The following NRXN2 variants were observed in gnomAD, a reference collection of about 807,000 sequenced individuals.
NRXN2 encodes the protein neurexin 2, also known as neurexin-2-beta.
NRXN2 carries 29 observed loss-of-function variants against 128.8 expected under a neutral mutation model. The observed-to-expected ratio is 0.23, with a 90% CI of 0.17 to 0.31. NRXN2 has a LOEUF of 0.31. NRXN2 is among the 10% of genes least tolerant of loss of function. The probability of loss-of-function intolerance (pLI) is 1.00; values close to 1 mark genes in which losing one functional copy is unlikely to be tolerated. For missense variants in NRXN2, 1,881 were observed against 2,452.6 expected, an observed-to-expected ratio of 0.77 and a Z score of 4.92; for synonymous variants, 1,098 against 1,075.2, an observed-to-expected ratio of 1.02 and a Z score of -0.41.
chr11:64,654,061 G>A (rs1039018408), intron 11 of NRXN2, among the ~76,000 whole-genome samples: 11 of 152,314 alleles, frequency 7.2e-5, no homozygotes, highest in Non-Finnish European at 1.3e-4. Flanking sequence ...GGGGATCAAT[G>A]GGGGCCGAGG....
At chr11:64,688,664 C>T in intron 5 of NRXN2, 1 of 985,388 alleles carries the variant, frequency 1.0e-6, no homozygotes, top group Non-Finnish European at 1.2e-6. Flanking sequence ...TTGCTCCGGA[C>T]CGAGAAAGGA....
chr11:64,653,751 G>A (rs1428558246), intron 11 of NRXN2, 29 bp from the exon 12 acceptor site: 3 of 1,527,228 alleles, frequency 2.0e-6, no homozygotes, highest in East Asian at 2.3e-5. Flanking sequence ...GGGCAGAGGG[G>A]AAGGGGAGAC....
At position 64,697,861 on chromosome 11, in the gene NRXN2, T is replaced by C. The variant is rs2135606385; in HGVS notation, c.731-69A>G. The stretch of plus-strand genomic sequence containing the variant: ...GAAAAAGGAGGGCTGTTAGCAAAGG[T>C]ACCACGGACAGGGGCTCCAAGGGGA... On this transcript the variant is annotated intron_variant, in intron 2 of 22. Transcript: ENST00000265459. 1.9e-6 allele frequency: 3 copies of C among 1,585,112 alleles called. No individual in the cohort carries two copies. In the East Asian group the frequency reaches 6.7e-5, roughly 36 times the overall value.
At position 64,713,801 on chromosome 11, in the gene NRXN2, CG is replaced by C. The variant is rs1288814837; in HGVS notation, c.-103del. The C allele has an allele frequency of 1.3e-4, 84 of 664,036 alleles. No homozygotes were observed. The highest frequency in any genetic ancestry group is 1.5e-4 in the Non-Finnish European group (81 of 532,606). The allele number at this position is 664,036 out of a possible 1,614,324, so 41.1% of individuals were successfully genotyped here. A position where few individuals can be genotyped will look rare whatever the true frequency, so the allele number is the denominator to read the frequency against. On this transcript the variant is annotated 5_prime_UTR_variant, in exon 2 of 23. Transcript: ENST00000265459. ...GGGGCCGGGCGCTCCCCGCGCTGAG[CG>C]GGGCTCCCTTGCAGGCTCACAGTGC...
chr11:64,611,454 C>T lies in NRXN2; in HGVS notation c.4253-3372G>A, dbSNP rs1031393476. Among the ~76,000 whole-genome samples the T allele has an allele frequency of 2.8e-4, 42 of 152,222 alleles. 1 individual carries two copies. The highest frequency in any genetic ancestry group is 9.7e-4 in the African/African-American group (40 of 41,446). Reference sequence around the variant, plus strand: ...TCATAGCTGGGGCCCCAGCAAAGTGCCAGGCCCAGGGCACAGGACCAGACC... The same window carrying T: ...TCATAGCTGGGGCCCCAGCAAAGTGTCAGGCCCAGGGCACAGGACCAGACC... On this transcript the variant is annotated intron_variant, in intron 22 of 22. Coordinates refer to ENST00000265459, the MANE Select transcript of NRXN2 (RefSeq NM_015080.4).
chr11:64,677,057 G>C lies in NRXN2; in HGVS notation c.1153-20C>G. The C allele has an allele frequency of 6.9e-7, 1 of 1,452,650 alleles. No homozygotes were observed. Among genetic ancestry groups the C allele is most frequent in the Non-Finnish European group, 9.3e-7 (1 of 1,078,204 alleles). 90.0% of individuals were successfully genotyped at this position (1,452,650 alleles called of 1,614,324 possible). ...TGCGTGCTTCACCGGAGATATGGGG[G>C]GATGGGGAGGAGGGGGGTGTCAAAA... is the stretch of plus-strand genomic sequence containing the variant. On this transcript the variant is annotated intron_variant, in intron 6 of 22. Transcript: ENST00000265459.
In NRXN2 at chr11:64,685,194, G is replaced by T. The variant is rs2052843853; in HGVS notation, c.1152+452C>A. 2.6e-5 allele frequency among the ~76,000 whole-genome samples: 4 copies of T among 152,046 alleles called. No homozygotes were observed. In the South Asian group the frequency reaches 8.3e-4, roughly 32 times the overall value. Reference sequence around the variant, plus strand: ...CTTCGTGCCTTGCTGCCCTAGTGTTGGGACACCCTCATCTGCTCCACCAGG... The same window carrying T: ...CTTCGTGCCTTGCTGCCCTAGTGTTTGGACACCCTCATCTGCTCCACCAGG... On this transcript the variant is annotated intron_variant, in intron 6 of 22. Coordinates refer to ENST00000265459, the MANE Select transcript of NRXN2 (RefSeq NM_015080.4).
At chr11:64,665,247 C>T (rs1429281492) in intron 9 of NRXN2, among the ~76,000 whole-genome samples, 1 of 151,514 alleles carries the variant, frequency 6.6e-6, no homozygotes, top group Non-Finnish European at 1.5e-5. Flanking sequence ...CGCCACTGCA[C>T]TCCAGCCTGG....
chr11:64,660,203 C>A lies in NRXN2; in HGVS notation c.2389+129G>T. The A allele has an allele frequency of 9.5e-7, 1 of 1,053,174 alleles. No individual in the cohort carries two copies. Among genetic ancestry groups the A allele is most frequent in the Non-Finnish European group, 1.5e-6 (1 of 686,274 alleles). 65.2% of individuals were successfully genotyped at this position (1,053,174 alleles called of 1,614,324 possible). A position where few individuals can be genotyped will look rare whatever the true frequency, so the allele number is the denominator to read the frequency against. On this transcript the variant is annotated intron_variant, in intron 11 of 22. Transcript: ENST00000265459. This position sits in a 1 kb window ranked among gnomAD's most constrained non-coding sequence, Gnocchi z 5.2. Reference sequence around the variant, plus strand: ...CAGGGTCTCTGACCCAGGCTGGCGCCTCCCCACCTCCAAACTCTGCTGAGG... The same window carrying A: ...CAGGGTCTCTGACCCAGGCTGGCGCATCCCCACCTCCAAACTCTGCTGAGG...
At position 64,713,542 on chromosome 11, in the gene NRXN2, AGCTCGCCGCT is replaced by A. The variant is rs2057156813; in HGVS notation, c.148_157del (p.Gly51AlafsTer64). 2 of 1,460,328 alleles carry A rather than the reference AGCTCGCCGCT, an allele frequency of 1.4e-6. No individual in the cohort carries two copies. Among genetic ancestry groups the A allele is most frequent in the Non-Finnish European group, 1.8e-6 (2 of 1,108,392 alleles). 90.5% of individuals were successfully genotyped at this position (1,460,328 alleles called of 1,614,324 possible). A position where few individuals can be genotyped will look rare whatever the true frequency, so the allele number is the denominator to read the frequency against. ...GGCGTTGGTGCGCAGGCTGAAGCTGAGCTCGCCGCTGCTCGCCGCGCCCGCCCAGCGCGCG... is the reference window on the plus strand; with the variant it reads ...GGCGTTGGTGCGCAGGCTGAAGCTGAGCTCGCCGCGCCCGCCCAGCGCGCG... On this transcript the variant is annotated frameshift_variant, in exon 2 of 23. Coordinates refer to ENST00000265459, the MANE Select transcript of NRXN2 (RefSeq NM_015080.4). LOFTEE classifies it high-confidence loss of function.
intron 19 of NRXN2, among the ~76,000 whole-genome samples, chr11:64,629,864 G>T (rs2043616191): frequency 6.6e-6 from 1 of 152,030 alleles, no homozygotes; most frequent in South Asian, 2.1e-4. Context: ...GAGTCTCCGT[G>T]GCTACTCCTC....
intron 9 of NRXN2, among the ~76,000 whole-genome samples, chr11:64,664,246 G>A (rs1045459968): frequency 3.9e-5 from 6 of 151,992 alleles, no homozygotes; most frequent in Admixed American, 2.0e-4. Context: ...GGAGGCCAAG[G>A]CAAATGGATC....
Position 64,630,685 on chromosome 11 carries a change from T to TC in NRXN2, c.3586-113dup, listed in dbSNP as rs1355504244. 7.9e-7 allele frequency: 1 copy of TC among 1,263,370 alleles called. No individual in the cohort carries two copies. The highest frequency in any genetic ancestry group is 1.1e-6 in the Non-Finnish European group (1 of 890,044). The allele number at this position is 1,263,370 out of a possible 1,614,324, so 78.3% of individuals were successfully genotyped here. A position where few individuals can be genotyped will look rare whatever the true frequency, so the allele number is the denominator to read the frequency against. Reference sequence around the variant, plus strand: ...AGCTCCGCAGCACTTAAGGCACCTTTCCCAGGTCTCAACCGCTGGAGGAGG... The same window carrying TC: ...AGCTCCGCAGCACTTAAGGCACCTTTCCCCAGGTCTCAACCGCTGGAGGAGG... On this transcript the variant is annotated intron_variant, in intron 18 of 22. Coordinates refer to ENST00000265459, the MANE Select transcript of NRXN2 (RefSeq NM_015080.4). This position sits in a 1 kb window ranked among gnomAD's most constrained non-coding sequence, Gnocchi z 4.6.
chr11:64,642,138 T>TGGAGAGATGATAAGGG (rs1299166904), intron 17 of NRXN2, among the ~76,000 whole-genome samples: 3 of 149,184 alleles, frequency 2.0e-5, no homozygotes. Flanking sequence ...GCAAGACAGA[T>TGGAGAGATGATAAGGG]GGAGAGATGA....
At chr11:64,627,920 C>T (rs2043306916) in intron 19 of NRXN2, among the ~76,000 whole-genome samples, 1 of 152,186 alleles carries the variant, frequency 6.6e-6, no homozygotes, top group African/African-American at 2.4e-5. Flanking sequence ...TGCCTATGTA[C>T]ACCTCCCATG....
chr11:64,641,965 G>T (rs2045741949), intron 17 of NRXN2, among the ~76,000 whole-genome samples: 1 of 152,036 alleles, frequency 6.6e-6, no homozygotes, highest in Non-Finnish European at 1.5e-5. Flanking sequence ...AGAAAGGAAG[G>T]TTGCTAGAGG....
At chr11:64,626,629 C>T in intron 19 of NRXN2, 77 bp from the exon 20 acceptor site, 1 of 1,001,678 alleles carries the variant, frequency 1.0e-6, no homozygotes, top group Non-Finnish European at 1.6e-6. Context: ...TTATGCAATC[C>T]TCAGGAGACT....
intron 2 of NRXN2, among the ~76,000 whole-genome samples, chr11:64,703,880 A>G (rs1055191648): frequency 2.6e-5 from 4 of 152,052 alleles, no homozygotes; most frequent in East Asian, 3.8e-4. Context: ...TATTACTTCC[A>G]TCTTACAGAG....
chr11:64,648,184 T>TC lies in NRXN2; in HGVS notation c.3403+34dup. 6.2e-7 allele frequency: 1 copy of TC among 1,613,906 alleles called. No homozygotes were observed. On this transcript the variant is annotated intron_variant, in intron 17 of 22. Transcript: ENST00000265459. This position sits in a 1 kb window ranked among gnomAD's most constrained non-coding sequence, Gnocchi z 4.1. ...CTATGGCTGGGAATGGACCCTGGTC[T>TC]CCCCAAACTGCCCCCAGCCCTCCCA...
Sources: allele counts gnomAD v4.1 joint callset (sites outside exome capture counted in the v4.1 genomes callset), GRCh38; gene constraint gnomAD v4.1.1; non-coding constraint Gnocchi (gnomAD v3.1); transcripts MANE v1.5; gene names NCBI Gene and HGNC (gene_info 2026-07-23, HGNC 2026-07-21).